ARRB1: variants seen among roughly 807,000 people sequenced by gnomAD.
The protein encoded by ARRB1 is arrestin beta 1.
Under a neutral mutation model 56.8 loss-of-function variants are expected in ARRB1, and 21 were observed. The ratio of observed to expected loss-of-function variants is 0.37; its 90% CI spans 0.26 to 0.53. ARRB1 has a LOEUF of 0.53. Ranked by LOEUF, ARRB1 falls within the 20% of genes least tolerant of loss-of-function variation. The probability of loss-of-function intolerance (pLI) is 0.88; values close to 1 mark genes in which losing one functional copy is unlikely to be tolerated. For missense variants in ARRB1, 424 were observed against 553.7 expected (o/e 0.77, Z 2.35); for synonymous variants, 210 against 218.6 (o/e 0.96, Z 0.35).
At chr11:75,267,179 C>A (rs1205468172) in intron 15 of ARRB1, among the ~76,000 whole-genome samples, 2 of 152,232 alleles carry the variant, frequency 1.3e-5, no homozygotes, top group Non-Finnish European at 2.9e-5. Flanking sequence ...GGCCCAGGTC[C>A]TCCCCCTCTG....
At position 75,290,049 on chromosome 11, in the gene ARRB1, G is replaced by A. The variant is rs370263325; in HGVS notation, c.21-10C>T. 8 of 1,614,044 alleles carry A rather than the reference G, an allele frequency of 5.0e-6. No homozygotes were observed. In the African/African-American group the frequency reaches 9.3e-5, roughly 19 times the overall value. On this transcript the variant is annotated splice_polypyrimidine_tract_variant and intron_variant, in intron 1 of 15. Coordinates refer to ENST00000420843, the MANE Select transcript of ARRB1 (RefSeq NM_004041.5). ...GGCCTTCTTGAACACTCTGTGGAGA[G>A]AAAGAGAGGTCAGGCCAGGGTTCGC...
chr11:75,329,538 C>T (rs923990808), intron 1 of ARRB1, among the ~76,000 whole-genome samples: 7 of 152,112 alleles, frequency 4.6e-5, no homozygotes, highest in Non-Finnish European at 8.8e-5. Context: ...AGACTACATC[C>T]ACTCAAGCTG....
chr11:75,330,078 G>T (rs1457500908), intron 1 of ARRB1, among the ~76,000 whole-genome samples: 1 of 151,794 alleles, frequency 6.6e-6, no homozygotes, highest in Non-Finnish European at 1.5e-5. Context: ...TGCACTGAAT[G>T]AATAAATGAA....
intron 1 of ARRB1, among the ~76,000 whole-genome samples, chr11:75,300,967 CAAA>C (rs149559322): frequency 6.5e-5 from 5 of 76,750 alleles, no homozygotes; most frequent in African/African-American, 5.6e-5. Context: ...GACTCCGTCT[CAAA>C]AAAAAAAAAA....
intron 1 of ARRB1, 52 bp from the exon 2 acceptor site, chr11:75,290,091 C>A: frequency 6.2e-7 from 1 of 1,611,896 alleles, no homozygotes; most frequent in Non-Finnish European, 8.5e-7. Flanking sequence ...TGCCCAGGGG[C>A]AAGCTCCTGC....
intron 1 of ARRB1, among the ~76,000 whole-genome samples, chr11:75,332,926 TC>T (rs1402106975): frequency 3.3e-5 from 5 of 151,430 alleles, no homozygotes; most frequent in African/African-American, 1.2e-4. Flanking sequence ...GCCTGGAAGC[TC>T]CCCCCAACCC....
intron 1 of ARRB1, among the ~76,000 whole-genome samples, chr11:75,302,943 TAC>T (rs1258563990): frequency 1.3e-5 from 2 of 152,094 alleles, no homozygotes; most frequent in Non-Finnish European, 1.5e-5. Flanking sequence ...TCTGTCTCCC[TAC>T]AGTCTTGGGT....
rs929572500 is a variant in ARRB1, at chr11:75,262,457, C to G, written c.*3706G>C. On this transcript the variant is annotated 3_prime_UTR_variant, in exon 16 of 16. Transcript: ENST00000420843. ...GTCATCAAAGCCAAATTGGCTGTAT[C>G]TCATTCTGGTTGACATCTGCCTAAG... 1 of 152,234 alleles carries G rather than the reference C, an allele frequency of 6.6e-6. No homozygotes were observed. Among genetic ancestry groups the G allele is most frequent in the Non-Finnish European group, 1.5e-5 (1 of 68,050 alleles). 9.4% of individuals were successfully genotyped at this position (152,234 alleles called of 1,614,324 possible).
intron 1 of ARRB1, among the ~76,000 whole-genome samples, chr11:75,320,851 C>T (rs1406670271): frequency 6.6e-6 from 1 of 152,214 alleles, no homozygotes; most frequent in Non-Finnish European, 1.5e-5. Flanking sequence ...CCACTGGGCG[C>T]TGGGACACAC....
intron 1 of ARRB1, among the ~76,000 whole-genome samples, chr11:75,321,636 G>A (rs1947351244): frequency 6.6e-6 from 1 of 152,046 alleles, no homozygotes; most frequent in Admixed American, 6.6e-5. Context: ...CGGCTAGAGG[G>A]CATCAGTCAA....
At chr11:75,268,748 G>A (rs552787867) in intron 14 of ARRB1, 141 bp downstream of exon 14, 9 of 827,692 alleles carry the variant, frequency 1.1e-5, no homozygotes, top group African/African-American at 1.1e-4. Flanking sequence ...GAAGCAAATC[G>A]AGTTCTGGAC....
intron 1 of ARRB1, among the ~76,000 whole-genome samples, chr11:75,345,919 G>A (rs570504479): frequency 1.3e-5 from 2 of 152,300 alleles, no homozygotes; most frequent in Admixed American, 6.5e-5. Flanking sequence ...TGGGGAAGCA[G>A]ACCCAGCGTG....
chr11:75,300,166 G>C (rs2140459866), intron 1 of ARRB1, among the ~76,000 whole-genome samples: 1 of 138,912 alleles, frequency 7.2e-6, no homozygotes, highest in South Asian at 2.2e-4. Flanking sequence ...TTGCACCACT[G>C]CACTCCAGCC....
At chr11:75,288,284 C>T (rs1946528294) in intron 2 of ARRB1, among the ~76,000 whole-genome samples, 1 of 152,264 alleles carries the variant, frequency 6.6e-6, no homozygotes, top group Non-Finnish European at 1.5e-5. Context: ...CACCACCTCA[C>T]ACAGTTAGCA....
intron 1 of ARRB1, among the ~76,000 whole-genome samples, chr11:75,327,376 A>C (rs892918077): frequency 1.2e-4 from 18 of 150,362 alleles, no homozygotes; most frequent in Admixed American, 2.0e-4. Context: ...TAGGTTGCCG[A>C]GGATGATCTC....
intron 1 of ARRB1, among the ~76,000 whole-genome samples, chr11:75,332,242 G>A (rs1591983474): frequency 6.6e-6 from 1 of 152,204 alleles, no homozygotes; most frequent in Non-Finnish European, 1.5e-5. Flanking sequence ...AGGGATGTGT[G>A]TGACAATTGC....
intron 1 of ARRB1, among the ~76,000 whole-genome samples, chr11:75,349,552 G>A (rs971845075): frequency 2.0e-5 from 3 of 152,194 alleles, no homozygotes; most frequent in African/African-American, 7.2e-5. Flanking sequence ...TCACAGAGAG[G>A]TACAGAGAGA....
chr11:75,343,671 C>G (rs1947723010), intron 1 of ARRB1, among the ~76,000 whole-genome samples: 1 of 152,204 alleles, frequency 6.6e-6, no homozygotes, highest in African/African-American at 2.4e-5. Flanking sequence ...ACCAGGAAAT[C>G]TGGTTCTTCC....
chr11:75,269,307 C>G lies in ARRB1; in HGVS notation c.1023-348G>C, dbSNP rs35615112. 2,349 of 435,300 alleles carry G rather than the reference C, an allele frequency of 5.4e-3. 53 individuals are homozygous for G. The highest frequency in any genetic ancestry group is 0.044 in the African/African-American group (2,165 of 49,340). 27.0% of individuals were successfully genotyped at this position (435,300 alleles called of 1,614,324 possible). On this transcript the variant is annotated intron_variant, in intron 13 of 15. Coordinates refer to ENST00000420843, the MANE Select transcript of ARRB1 (RefSeq NM_004041.5). Reference sequence around the variant, plus strand: ...CCAGAGGTGCCCTGGGACCCCCCCCCACCTCAAATCGCCACAGCCACCCTC... The same window carrying G: ...CCAGAGGTGCCCTGGGACCCCCCCCGACCTCAAATCGCCACAGCCACCCTC...
Sources: allele counts gnomAD v4.1 joint callset (sites outside exome capture counted in the v4.1 genomes callset), GRCh38; gene constraint gnomAD v4.1.1; transcripts MANE v1.5; gene names NCBI Gene and HGNC (gene_info 2026-07-23, HGNC 2026-07-21).